RFX8: variants seen among roughly 807,000 people sequenced by gnomAD.
RFX8 encodes the protein regulatory factor X8, also known as DNA-binding protein RFX8.
RFX8 carries 46 observed loss-of-function variants against 54.6 expected under a neutral mutation model. That is an observed-to-expected ratio of 0.84 (90% CI 0.67 to 1.08). The LOEUF (loss-of-function observed/expected upper bound fraction) is 1.08. RFX8 is among the 50% of genes least tolerant of loss of function. The pLI, the probability that RFX8 is intolerant of heterozygous loss-of-function variation, is 0.00. For synonymous variants in RFX8, 192 were observed against 209.5 expected, an observed-to-expected ratio of 0.92 and a Z score of 0.72; for missense variants, 536 against 562.3, an observed-to-expected ratio of 0.95 and a Z score of 0.47.
chr2:101,459,914 T>C (rs1025822567), intron 2 of RFX8, among the ~76,000 whole-genome samples: 1 of 152,124 alleles, frequency 6.6e-6, no homozygotes, highest in Non-Finnish European at 1.5e-5. Flanking sequence ...CCCAGCTACT[T>C]TGTTTACGTA....
chr2:101,472,010 C>G (rs1690026693), intron 1 of RFX8, among the ~76,000 whole-genome samples: 1 of 152,214 alleles, frequency 6.6e-6, no homozygotes, highest in South Asian at 2.1e-4. Flanking sequence ...CACTGCTCCT[C>G]CAGCATTGGT....
intron 2 of RFX8, among the ~76,000 whole-genome samples, chr2:101,461,762 C>CTGAA (rs1689294464): frequency 6.6e-6 from 1 of 152,070 alleles, no homozygotes; most frequent in Non-Finnish European, 1.5e-5. Context: ...ATAGAGAGAA[C>CTGAA]TGAAACAAAT....
chr2:101,428,720 G>T (rs1005279080), intron 2 of RFX8, among the ~76,000 whole-genome samples: 10 of 152,190 alleles, frequency 6.6e-5, no homozygotes, highest in African/African-American at 2.4e-4. Flanking sequence ...AAGAAACACA[G>T]TTAAGCAGGG....
At position 101,460,534 on chromosome 2, in the gene RFX8, G is replaced by A. The variant is rs556834203; in HGVS notation, c.72+6243C>T. On this transcript the variant is annotated intron_variant, in intron 2 of 11. Transcript: ENST00000428343. ...CCAATAGAAGTCTGGTCTAGTTTCCGAATCAGCGAGGTTCATGACAAGCGT... is the reference window on the plus strand; with the variant it reads ...CCAATAGAAGTCTGGTCTAGTTTCCAAATCAGCGAGGTTCATGACAAGCGT... Among the ~76,000 whole-genome samples the A allele has an allele frequency of 3.9e-5, 6 of 152,128 alleles. No homozygotes were observed. The South Asian group carries it at 6.3e-4, about 16-fold the overall frequency.
chr2:101,424,863 T>G (rs932022586), intron 2 of RFX8, among the ~76,000 whole-genome samples: 2 of 152,102 alleles, frequency 1.3e-5, no homozygotes, highest in African/African-American at 4.8e-5. Context: ...CCAGGGCCCG[T>G]CAGGGGGTCG....
Position 101,437,822 on chromosome 2 carries a change from G to A in RFX8, c.73-15350C>T, listed in dbSNP as rs74787615. 6.4e-3 allele frequency among the ~76,000 whole-genome samples: 927 copies of A among 145,804 alleles called. 3 individuals carry two copies. The highest frequency in any genetic ancestry group is 0.019 in the East Asian group (96 of 4,982). The stretch of plus-strand genomic sequence containing the variant: ...AAGTTTTACTTAAATTCATTTGTGT[G>A]TATATTTATTTCTACACAATCGTAT... On this transcript the variant is annotated intron_variant, in intron 2 of 11. Coordinates refer to ENST00000428343, the MANE Select transcript of RFX8 (RefSeq NM_001145664.2).
chr2:101,407,980 A>G (rs191816804), intron 9 of RFX8, among the ~76,000 whole-genome samples: 1 of 152,330 alleles, frequency 6.6e-6, no homozygotes, highest in Admixed American at 6.5e-5. Context: ...CTTGATTGAC[A>G]ATAATCTGGT....
chr2:101,451,646 G>A (rs7598092), intron 2 of RFX8, among the ~76,000 whole-genome samples: 50,598 of 146,066 alleles, frequency 0.35, 9,356 homozygotes, highest in African/African-American at 0.44. Flanking sequence ...CCATGATCAC[G>A]CCATTGCACT....
chr2:101,411,810 A>G (rs1014963242), intron 8 of RFX8, among the ~76,000 whole-genome samples: 4 of 152,110 alleles, frequency 2.6e-5, no homozygotes, highest in African/African-American at 9.7e-5. Context: ...ACCAACAACT[A>G]GGGATATATT....
chr2:101,457,185 G>T (rs1676023633), intron 2 of RFX8, among the ~76,000 whole-genome samples: 1 of 152,006 alleles, frequency 6.6e-6, no homozygotes, highest in Non-Finnish European at 1.5e-5. Context: ...TTTTTGAAGG[G>T]TTTTTTGTGT....
intron 2 of RFX8, among the ~76,000 whole-genome samples, chr2:101,448,241 C>T (rs1164829828): frequency 6.6e-6 from 1 of 152,158 alleles, no homozygotes; most frequent in African/African-American, 2.4e-5. Context: ...ATATTCCACC[C>T]TATTTCTCAA....
At chr2:101,429,365 T>C (rs1687361701) in intron 2 of RFX8, among the ~76,000 whole-genome samples, 2 of 152,212 alleles carry the variant, frequency 1.3e-5, no homozygotes, top group African/African-American at 4.8e-5. Flanking sequence ...AAATGATTGA[T>C]ACAGAAATGA....
chr2:101,406,176 A>G, intron 9 of RFX8, 119 bp from the exon 10 acceptor site: 1 of 584,408 alleles, frequency 1.7e-6, no homozygotes. Context: ...AAGAAGAGGA[A>G]GATGAAATAA....
At chr2:101,438,420 C>CTCT (rs1185526521) in intron 2 of RFX8, among the ~76,000 whole-genome samples, 1 of 152,046 alleles carries the variant, frequency 6.6e-6, no homozygotes, top group Non-Finnish European at 1.5e-5. Context: ...TAGTTTATAC[C>CTCT]TCTTTATTGT....
chr2:101,397,598 G>A lies in RFX8; in HGVS notation c.1372C>T (p.Pro458Ser), dbSNP rs181511686. 4.7e-5 allele frequency: 73 copies of A among 1,549,998 alleles called. No homozygotes were observed. The highest frequency in any genetic ancestry group is 3.5e-6 in the Non-Finnish European group (4 of 1,145,986). Reference protein sequence around the residue: ...QQFVIQISDVPQSSEDIYFRE... With the variant: ...QQFVIQISDVSQSSEDIYFRE... ...AAATAAATATCTTCAGAGCTTTGGGGTACATCTGATATCTGAATCACAAAT... is the reference window on the plus strand; with the variant it reads ...AAATAAATATCTTCAGAGCTTTGGGATACATCTGATATCTGAATCACAAAT... Residue 458 changes from proline to serine, a missense_variant, in exon 12 of 12, where the codon CCC (proline) becomes TCC (serine). Transcript: ENST00000428343.
At chr2:101,438,848 G>T (rs6718838) in intron 2 of RFX8, among the ~76,000 whole-genome samples, 114,906 of 151,864 alleles carry the variant, frequency 0.76, 44,420 homozygotes, top group Middle Eastern at 0.88. Flanking sequence ...TTTCGCTCTT[G>T]TTGCCCAGGC....
chr2:101,400,917 C>T (rs146064129), intron 11 of RFX8, among the ~76,000 whole-genome samples: 1 of 152,052 alleles, frequency 6.6e-6, no homozygotes, highest in Non-Finnish European at 1.5e-5. Context: ...GCCAAGCCAT[C>T]GCCTCTTCAG....
chr2:101,426,461 G>T (rs1004604807), intron 2 of RFX8, among the ~76,000 whole-genome samples: 2 of 152,216 alleles, frequency 1.3e-5, no homozygotes, highest in Admixed American at 6.5e-5. Flanking sequence ...GGAGACTCCA[G>T]TGAGCTGTGA....
intron 2 of RFX8, among the ~76,000 whole-genome samples, chr2:101,427,245 G>A (rs1687228812): frequency 6.6e-6 from 1 of 152,190 alleles, no homozygotes; most frequent in South Asian, 2.1e-4. Flanking sequence ...GCATGGCAAA[G>A]GGACCTTGCA....
Sources: gnomAD v4.1 joint callset for allele counts (sites outside exome capture counted in the v4.1 genomes callset) on GRCh38, gnomAD v4.1.1 for gene constraint, MANE v1.5 for transcripts, NCBI Gene and HGNC (gene_info 2026-07-23, HGNC 2026-07-21) for gene names.